The following KCNK16 variants were observed in gnomAD, a reference collection of about 807,000 sequenced individuals.
KCNK16 encodes the protein potassium channel subfamily K member 16.
A neutral mutation model predicts 23.0 loss-of-function variants in KCNK16; 23 were observed. That is an observed-to-expected ratio of 1.00 (90% CI 0.72 to 1.41). KCNK16 has a LOEUF of 1.41. Among genes scored for constraint, KCNK16 ranks in the 40% most tolerant of loss-of-function variants. The pLI is 0.00. For missense variants in KCNK16, 327 were observed against 365.8 expected, an observed-to-expected ratio of 0.89 and a Z score of 0.87; for synonymous variants, 145 against 153.5, an observed-to-expected ratio of 0.94 and a Z score of 0.41.
At chr6:39,320,952 T>C (rs771189483) in intron 1 of KCNK16, among the ~76,000 whole-genome samples, 1 of 152,166 alleles carries the variant, frequency 6.6e-6, no homozygotes, top group Non-Finnish European at 1.5e-5. Flanking sequence ...CAACTTTGAC[T>C]AACCTTATCC....
Position 39,322,392 on chromosome 6 carries a change from T to A in KCNK16, c.149A>T (p.Glu50Val), listed in dbSNP as rs932781366. Residue 50 changes from glutamate (E) to valine (V), a missense_variant, in exon 1 of 5, where the codon GAG (glutamate) becomes GTG (valine). By Grantham distance (121) the Glu-to-Val change is moderately radical (BLOSUM62 -2). Transcript: ENST00000437525. ...GTAGTTCTCCAGGAAGCGCAGCTTC[T>A]CCAACTGAAACTGGTCCCTGGACTG... ...EAQSRDQFQLEKLRFLENYTC... is the reference protein window; with the variant it reads ...EAQSRDQFQLVKLRFLENYTC... The A allele has an allele frequency of 3.7e-6, 6 of 1,614,042 alleles. No homozygotes were observed. In the Admixed American group the frequency reaches 1.0e-4, roughly 27 times the overall value.
intron 1 of KCNK16, among the ~76,000 whole-genome samples, chr6:39,321,599 G>A (rs1020486692): frequency 2.0e-5 from 3 of 152,220 alleles, no homozygotes; most frequent in African/African-American, 7.2e-5. Flanking sequence ...TGCAGGGGAT[G>A]TTGTCACTCG....
chr6:39,314,993 C>A (rs368519973), downstream of KCNK16: 4 of 1,588,868 alleles, frequency 2.5e-6, no homozygotes, highest in African/African-American at 2.7e-5. Context: ...GTGAAGAGTC[C>A]GTGGGTCCTC....
At chr6:39,317,254 C>T (rs1259207273) in intron 3 of KCNK16, among the ~76,000 whole-genome samples, 2 of 152,238 alleles carry the variant, frequency 1.3e-5, no homozygotes, top group Non-Finnish European at 2.9e-5. Flanking sequence ...TATCATTGAA[C>T]TGTCTGCGTA....
rs116403841 is a variant in KCNK16 at position 39,319,438 on chromosome 6, G to A, written c.214-305C>T. Among the ~76,000 whole-genome samples the A allele has an allele frequency of 0.021, 3,169 of 152,216 alleles. 58 individuals carry two copies. The highest frequency in any genetic ancestry group is 0.028 in the Non-Finnish European group (1,880 of 68,008). On this transcript the variant is annotated intron_variant, in intron 1 of 4. Transcript: ENST00000437525. This position sits in a 1 kb window ranked among gnomAD's most constrained non-coding sequence, Gnocchi z 4.2. The stretch of plus-strand genomic sequence containing the variant: ...GGGCCTGAGGGGTGAGGTGGAGGAT[G>A]CTCAGGGAGGGGTCCCGTGGGAGAT...
chr6:39,319,955 C>A lies in KCNK16; in HGVS notation c.214-822G>T, dbSNP rs1762456838. Among the ~76,000 whole-genome samples the A allele has an allele frequency of 6.6e-6, 1 of 152,192 alleles. No homozygotes were observed. The highest frequency in any genetic ancestry group is 2.1e-4 in the South Asian group (1 of 4,822). Reference sequence around the variant, plus strand: ...TGCTGACAACCTCCAGTCCCTGGGCCCAGCCGCCTTGGAGAATAGGCAGGG... The same window carrying A: ...TGCTGACAACCTCCAGTCCCTGGGCACAGCCGCCTTGGAGAATAGGCAGGG... On this transcript the variant is annotated intron_variant, in intron 1 of 4. Transcript: ENST00000437525. This position sits in a 1 kb window ranked among gnomAD's most constrained non-coding sequence, Gnocchi z 4.2.
chr6:39,320,200 C>T (rs1478703111), intron 1 of KCNK16, among the ~76,000 whole-genome samples: 2 of 151,734 alleles, frequency 1.3e-5, no homozygotes, highest in Non-Finnish European at 2.9e-5. Flanking sequence ...AGGGCATCTG[C>T]GGTCACAGGC....
Position 39,316,191 on chromosome 6 carries a change from AG to A in KCNK16, c.*27del. 5.3e-6 allele frequency: 8 copies of A among 1,495,488 alleles called. No homozygotes were observed. Among genetic ancestry groups the A allele is most frequent in the South Asian group, 1.3e-5 (1 of 76,460 alleles). The allele number at this position is 1,495,488 out of a possible 1,614,324, so 92.6% of individuals were successfully genotyped here. On this transcript the variant is annotated 3_prime_UTR_variant, in exon 5 of 5. Transcript: ENST00000437525. ...ATAGGGTGGGACTGGGGAGGATGAAAGGGGTTTCTGGGCCCCCCCCGGGGGC... is the reference window on the plus strand; with the variant it reads ...ATAGGGTGGGACTGGGGAGGATGAAAGGGTTTCTGGGCCCCCCCCGGGGGC...
downstream of KCNK16, chr6:39,315,120 T>C: frequency 3.1e-6 from 5 of 1,614,220 alleles, no homozygotes; most frequent in Non-Finnish European, 4.2e-6. Context: ...TCCACAGCCT[T>C]GCCTCAGACC....
At chr6:39,314,799 C>A, downstream of KCNK16, 1 of 565,466 alleles carries the variant, frequency 1.8e-6, no homozygotes, top group Non-Finnish European at 3.1e-6. Flanking sequence ...ATCTCAAGAC[C>A]ACCTTGGGTC....
intron 1 of KCNK16, among the ~76,000 whole-genome samples, chr6:39,320,047 C>T (rs1360431681): frequency 6.6e-6 from 1 of 152,166 alleles, no homozygotes; most frequent in Non-Finnish European, 1.5e-5. Flanking sequence ...GCAGCACAGC[C>T]TTGCCACCGA....
chr6:39,321,160 G>A (rs575495791), intron 1 of KCNK16, among the ~76,000 whole-genome samples: 14 of 152,282 alleles, frequency 9.2e-5, no homozygotes, highest in South Asian at 4.1e-4. Context: ...TTCCTGAGTC[G>A]GCAGGTGCGG....
At position 39,317,969 on chromosome 6, in the gene KCNK16, G is replaced by T. The variant is rs1762389992; in HGVS notation, c.329-17C>A. ...TCCCATATCCTGCAAGGGAAGGGGG[G>T]CGTGTGCAAATATGGAGACTCTAGA... On this transcript the variant is annotated splice_polypyrimidine_tract_variant and intron_variant, in intron 2 of 4. Coordinates refer to ENST00000437525, the MANE Select transcript of KCNK16 (RefSeq NM_001135106.2). The T allele has an allele frequency of 1.9e-6, 3 of 1,589,052 alleles. No individual in the cohort carries two copies. In the East Asian group the frequency reaches 6.8e-5, roughly 36 times the overall value.
Position 39,319,746 on chromosome 6 carries a change from AGTGTGT to A in KCNK16, c.214-619_214-614del, listed in dbSNP as rs146841804. 1.9e-3 allele frequency among the ~76,000 whole-genome samples: 285 copies of A among 148,370 alleles called. 2 individuals are homozygous for A. The highest frequency in any genetic ancestry group is 3.6e-3 in the African/African-American group (147 of 40,494). On this transcript the variant is annotated intron_variant, in intron 1 of 4. Transcript: ENST00000437525. The surrounding 1 kb of genome is among the most constrained non-coding windows in gnomAD (Gnocchi z 4.2). The stretch of plus-strand genomic sequence containing the variant: ...GGCCAAGACAAAGGTGGCACGTGTG[AGTGTGT>A]GTGTGTGTGTGTGTGTGTGTGTGGT...
chr6:39,315,425 G>C, downstream of KCNK16: 1 of 1,550,268 alleles, frequency 6.5e-7, no homozygotes, highest in Non-Finnish European at 8.7e-7. Flanking sequence ...GAAGTTAAGG[G>C]GGTGGCCTGT....
At position 39,316,311 on chromosome 6, in the gene KCNK16, A is replaced by G; in HGVS notation, c.793T>C (p.Trp265Arg). The G allele has an allele frequency of 1.9e-6, 3 of 1,608,466 alleles. No homozygotes were observed. The highest frequency in any genetic ancestry group is 2.5e-6 in the Non-Finnish European group (3 of 1,178,082). The change falls in exon 5 of 5, where the codon TGG becomes CGG. Residue 265 changes from tryptophan to arginine, a missense_variant. Trp to Arg is a moderately radical substitution (Grantham distance 101). Coordinates refer to ENST00000437525, the MANE Select transcript of KCNK16 (RefSeq NM_001135106.2). ...ACGCCGAGGCCCCTACTGAGCAGCC[A>G]GAGCTGGCAGCATCTGTGCAGAAGC... ...PLLLHRCCQLWLLSRGLGVKD... is the reference protein window; with the variant it reads ...PLLLHRCCQLRLLSRGLGVKD...
chr6:39,317,690 C>T (rs1410484957), intron 3 of KCNK16, 96 bp downstream of exon 3: 19 of 1,349,478 alleles, frequency 1.4e-5, no homozygotes, highest in Non-Finnish European at 1.9e-5. Context: ...CCCCTAACAC[C>T]ATGCATGCCA....
downstream of KCNK16, chr6:39,314,896 G>A: frequency 1.7e-6 from 2 of 1,144,516 alleles, no homozygotes; most frequent in East Asian, 2.4e-5. Flanking sequence ...GGTAAGAGGA[G>A]CCTTAACCAA....
rs374259449 is a variant in KCNK16, at chr6:39,316,889, A to G, written c.554T>C (p.Ile185Thr). 58 of 1,614,004 alleles carry G rather than the reference A, an allele frequency of 3.6e-5. No individual in the cohort carries two copies. Among genetic ancestry groups the G allele is most frequent in the Non-Finnish European group, 4.6e-5 (54 of 1,180,022 alleles). ...ATGGCTGAAGACCATGGGTGGGAAG[A>G]TGAGAATGACCAGCGTCCCCAGGGT... ...FLTLGTLVIL[I>T]FPPMVFSHVE... Residue 185 changes from isoleucine (I) to threonine (T), a missense_variant, in exon 4 of 5, where the codon ATC (isoleucine) becomes ACC (threonine). Ile to Thr is a moderately conservative substitution (Grantham distance 89). Coordinates refer to ENST00000437525, the MANE Select transcript of KCNK16 (RefSeq NM_001135106.2).
Sources: allele counts gnomAD v4.1 joint callset (sites outside exome capture counted in the v4.1 genomes callset), GRCh38; gene constraint gnomAD v4.1.1; non-coding constraint Gnocchi (gnomAD v3.1); transcripts MANE v1.5; gene names NCBI Gene and HGNC (gene_info 2026-07-23, HGNC 2026-07-21).